Variants in PSME4 observed in about 807,000 individuals in gnomAD.
The protein encoded by PSME4 is proteasome activator complex subunit 4.
A neutral mutation model predicts 253.9 loss-of-function variants in PSME4; 89 were observed. The ratio of observed to expected loss-of-function variants is 0.35; its 90% CI spans 0.30 to 0.42. The LOEUF (loss-of-function observed/expected upper bound fraction) is 0.42. Ranked by LOEUF, PSME4 falls within the 10% of genes least tolerant of loss-of-function variation. PSME4 has a pLI of 1.00. For synonymous variants in PSME4, 851 were observed against 759.2 expected (o/e 1.12, Z -1.99); for missense variants, 2,014 against 2,195.2 (o/e 0.92, Z 1.65).
At chr2:53,897,235 T>A (rs1235867869) in intron 31 of PSME4, among the ~76,000 whole-genome samples, 10 of 140,708 alleles carry the variant, frequency 7.1e-5, no homozygotes, top group African/African-American at 2.6e-4. Flanking sequence ...AATGGCACAA[T>A]CTCAGCTCAC....
Position 53,876,716 on chromosome 2 carries a change from C to CTTTTTTTTTTTTTTTTT in PSME4, c.4816-978_4816-962dup, listed in dbSNP as rs10599430. On this transcript the variant is annotated intron_variant, in intron 41 of 46. Coordinates refer to ENST00000404125, the MANE Select transcript of PSME4 (RefSeq NM_014614.3). ...TCTGATGGCTGTAGCCACTGTCATT[C>CTTTTTTTTTTTTTTTTT]TTTTTTTTTTTTTTTTTTTTGAGAC... Among the ~76,000 whole-genome samples, 43 of 97,838 alleles carry CTTTTTTTTTTTTTTTTT rather than the reference C, an allele frequency of 4.4e-4. 4 individuals carry two copies. Among genetic ancestry groups the CTTTTTTTTTTTTTTTTT allele is most frequent in the African/African-American group, 1.3e-3 (33 of 25,978 alleles). The allele number at this position is 97,838 out of a possible 152,430, so 64.2% of individuals were successfully genotyped here.
At chr2:53,947,925 C>T (rs561376124) in intron 3 of PSME4, among the ~76,000 whole-genome samples, 4 of 145,458 alleles carry the variant, frequency 2.7e-5, no homozygotes, top group East Asian at 2.1e-4. Flanking sequence ...CTGAGGAACG[C>T]GAATCACTTG....
intron 41 of PSME4, among the ~76,000 whole-genome samples, chr2:53,877,414 T>TA (rs988510413): frequency 9.4e-5 from 14 of 149,014 alleles, no homozygotes; most frequent in East Asian, 3.9e-4. Flanking sequence ...CCCTGTCTCT[T>TA]AAAAAAAAAA....
chr2:53,923,500 A>G (rs769586688), intron 14 of PSME4, 81 bp from the exon 15 acceptor site: 33 of 1,425,456 alleles, frequency 2.3e-5, no homozygotes, highest in Non-Finnish European at 3.0e-5. Flanking sequence ...AATGATAAAT[A>G]TATTTAGACA....
At chr2:53,948,234 G>C (rs1362202279) in intron 3 of PSME4, among the ~76,000 whole-genome samples, 187 bp downstream of exon 3, 1 of 152,200 alleles carries the variant, frequency 6.6e-6, no homozygotes, top group African/African-American at 2.4e-5. Context: ...TGATCTGCAA[G>C]AGAGATGCAG....
At chr2:53,934,559 C>T (rs1226170645) in intron 8 of PSME4, 46 bp downstream of exon 8, 3 of 1,569,490 alleles carry the variant, frequency 1.9e-6, no homozygotes, top group East Asian at 2.3e-5. Flanking sequence ...AAGGTTAACA[C>T]AAAATAGGCG....
intron 1 of PSME4, among the ~76,000 whole-genome samples, chr2:53,956,191 C>CT (rs1558427557): frequency 6.6e-6 from 1 of 152,090 alleles, no homozygotes; most frequent in African/African-American, 2.4e-5. Context: ...AACTGAGAAA[C>CT]TTTTTTGTGT....
chr2:53,950,818 G>A (rs1196230004), intron 1 of PSME4, among the ~76,000 whole-genome samples: 3 of 139,470 alleles, frequency 2.2e-5, no homozygotes, highest in African/African-American at 8.0e-5. Context: ...TCCAGCCTGG[G>A]CAACAAGAGA....
chr2:53,866,030 A>C, intron 46 of PSME4, 55 bp downstream of exon 46: 1 of 1,465,552 alleles, frequency 6.8e-7, no homozygotes, highest in Non-Finnish European at 9.2e-7. Flanking sequence ...AAAAACAATA[A>C]ATATCTAGTT....
At chr2:53,929,996 C>A (rs1309970693) in intron 10 of PSME4, among the ~76,000 whole-genome samples, 1 of 151,606 alleles carries the variant, frequency 6.6e-6, no homozygotes, top group African/African-American at 2.4e-5. Flanking sequence ...CCAGCCTGGG[C>A]AACAGAGCAA....
intron 37 of PSME4, among the ~76,000 whole-genome samples, 189 bp from the exon 38 acceptor site, chr2:53,889,001 G>C (rs930904875): frequency 4.6e-5 from 7 of 152,148 alleles, no homozygotes; most frequent in Non-Finnish European, 8.8e-5. Flanking sequence ...AAGTAGCTGG[G>C]ACCACAGGCA....
At chr2:53,889,441 T>A (rs544166623) in intron 37 of PSME4, among the ~76,000 whole-genome samples, 1 of 152,034 alleles carries the variant, frequency 6.6e-6, no homozygotes, top group African/African-American at 2.4e-5. Context: ...AAAAAAAAAA[T>A]CTGAACAGGT....
At chr2:53,885,053 C>G (rs1433920546) in intron 41 of PSME4, among the ~76,000 whole-genome samples, 4 of 152,208 alleles carry the variant, frequency 2.6e-5, no homozygotes, top group Non-Finnish European at 4.4e-5. Context: ...CCAAGCCTTT[C>G]AAATGCACAA....
chr2:53,907,284 C>A (rs1426033472), intron 24 of PSME4, among the ~76,000 whole-genome samples: 1 of 152,138 alleles, frequency 6.6e-6, no homozygotes, highest in Non-Finnish European at 1.5e-5. Flanking sequence ...ATAATAATAT[C>A]TTTTCTAAAA....
chr2:53,896,841 T>C lies in PSME4; in HGVS notation c.3651A>G (p.Arg1217=), dbSNP rs1680159414. The C allele has an allele frequency of 3.7e-6, 6 of 1,612,454 alleles. No individual in the cohort carries two copies. The East Asian group carries it at 1.3e-4, about 36-fold the overall frequency. The change falls in exon 32 of 47, where the codon AGA becomes AGG. Residue 1217 remains arginine, a synonymous_variant. Coordinates refer to ENST00000404125, the MANE Select transcript of PSME4 (RefSeq NM_014614.3). ...AVAGILKQLK[R]THKKLTINPC... ...GGTTAATGGTCAGCTTTTTGTGGGT[T>C]CTTTTTAGCTGTTTAAGGATACCAG...
At chr2:53,963,141 C>G (rs1267972213) in intron 1 of PSME4, among the ~76,000 whole-genome samples, 2 of 151,912 alleles carry the variant, frequency 1.3e-5, no homozygotes, top group Non-Finnish European at 2.9e-5. Context: ...GCCTGAGCAA[C>G]ATAGTGAGAC....
chr2:53,936,231 T>TC, intron 6 of PSME4, 70 bp from the exon 7 acceptor site: 1 of 1,586,882 alleles, frequency 6.3e-7, no homozygotes, highest in Non-Finnish European at 8.6e-7. Flanking sequence ...GTCACACCCC[T>TC]CCTCCATTTG....
intron 41 of PSME4, among the ~76,000 whole-genome samples, chr2:53,882,176 T>G (rs146419688): frequency 6.6e-6 from 1 of 152,274 alleles, no homozygotes; most frequent in African/African-American, 2.4e-5. Flanking sequence ...AGATCCAGCA[T>G]TTTCACTTCT....
chr2:53,934,547 G>C (rs1377499215), intron 8 of PSME4, 58 bp downstream of exon 8: 1 of 1,526,578 alleles, frequency 6.6e-7, no homozygotes, highest in African/African-American at 1.4e-5. Flanking sequence ...CACAATTTTT[G>C]TAAGGTTAAC....
Sources: allele counts gnomAD v4.1 joint callset (sites outside exome capture counted in the v4.1 genomes callset), GRCh38; gene constraint gnomAD v4.1.1; transcripts MANE v1.5; gene names NCBI Gene and HGNC (gene_info 2026-07-23, HGNC 2026-07-21).